PCAT7: variants seen among roughly 807,000 people sequenced by gnomAD.
The protein encoded by PCAT7 is prostate cancer associated transcript 7, also known as prostate cancer associated transcript 7 (non-protein coding).
intron 2 of PCAT7, among the ~76,000 whole-genome samples, chr9:94,572,128 T>G (rs553168059): frequency 3.9e-5 from 6 of 152,292 alleles, no homozygotes; most frequent in African/African-American, 1.4e-4. Flanking sequence ...TCTCTGACTC[T>G]GTGGATGCTC....
At chr9:94,571,334 G>T in intron 2 of PCAT7, 2 of 984,372 alleles carry the variant, frequency 2.0e-6, no homozygotes, top group Non-Finnish European at 2.8e-6. Flanking sequence ...CCCAAACTAG[G>T]CTCTCAGGAC....
exon 2 of PCAT7, chr9:94,559,057 G>A (rs1301155021): frequency 6.2e-7 from 1 of 1,614,094 alleles, no homozygotes; most frequent in Non-Finnish European, 8.5e-7. Context: ...AGTACAGGCT[G>A]GGTCCCCGTG....
At chr9:94,572,557 C>T (rs1043966252) in intron 2 of PCAT7, among the ~76,000 whole-genome samples, 4 of 152,148 alleles carry the variant, frequency 2.6e-5, no homozygotes, top group African/African-American at 9.7e-5. Flanking sequence ...TCTGAAGCTC[C>T]CAACACATTT....
At chr9:94,562,139 G>A (rs1056202107) in intron 2 of PCAT7, among the ~76,000 whole-genome samples, 4 of 151,610 alleles carry the variant, frequency 2.6e-5, no homozygotes, top group African/African-American at 4.8e-5. Context: ...GTGAAACCCC[G>A]TCTCTACTAA....
chr9:94,562,309 C>CAAAA (rs397893359), intron 2 of PCAT7, among the ~76,000 whole-genome samples: 28 of 72,064 alleles, frequency 3.9e-4, no homozygotes, highest in African/African-American at 6.3e-4. Flanking sequence ...GACTCCATCT[C>CAAAA]AAAAAAAAAA....
intron 1 of PCAT7, chr9:94,558,795 A>C: frequency 1.3e-6 from 1 of 744,608 alleles, no homozygotes; most frequent in South Asian, 1.7e-5. Context: ...ACCTGTCGTA[A>C]GCAGTTTGTT....
intron 2 of PCAT7, chr9:94,568,331 C>G (rs1035675245): frequency 2.0e-5 from 3 of 152,170 alleles, no homozygotes; most frequent in Non-Finnish European, 1.5e-5. Context: ...TGCCCAGTCC[C>G]TCTCCACAAC....
At chr9:94,565,635 G>T (rs1039430507) in intron 2 of PCAT7, among the ~76,000 whole-genome samples, 2 of 151,982 alleles carry the variant, frequency 1.3e-5, no homozygotes, top group Non-Finnish European at 2.9e-5. Context: ...TAGCCCAGAA[G>T]GACTTGACAT....
At chr9:94,564,293 G>A (rs1176796998) in intron 2 of PCAT7, among the ~76,000 whole-genome samples, 1 of 151,944 alleles carries the variant, frequency 6.6e-6, no homozygotes. Flanking sequence ...CTCCAACCAC[G>A]GCCATCTCAT....
At chr9:94,571,878 G>A (rs644237) in intron 2 of PCAT7, among the ~76,000 whole-genome samples, 73,907 of 151,926 alleles carry the variant, frequency 0.49, 18,601 homozygotes, top group East Asian at 0.61. Flanking sequence ...TGCTAAAACC[G>A]TAGCCCCTCT....
intron 1 of PCAT7, among the ~76,000 whole-genome samples, chr9:94,556,895 A>T (rs556555952): frequency 6.6e-6 from 1 of 152,166 alleles, no homozygotes; most frequent in Non-Finnish European, 1.5e-5. Context: ...ATTCTTGTAC[A>T]TGTGGGTGTT....
At chr9:94,568,656 C>T (rs10115132) in intron 2 of PCAT7, 33,736 of 152,098 alleles carry the variant, frequency 0.22, 6,714 homozygotes, top group African/African-American at 0.54. Flanking sequence ...CTCCACATAG[C>T]AGAGGTGTTG....
chr9:94,563,214 T>C, intron 2 of PCAT7: 1 of 1,066,018 alleles, frequency 9.4e-7, no homozygotes, highest in Non-Finnish European at 1.3e-6. Flanking sequence ...GAGTTCATTT[T>C]TCCTCCCCTG....
At chr9:94,560,279 C>G (rs1447116540) in intron 2 of PCAT7, among the ~76,000 whole-genome samples, 2 of 152,348 alleles carry the variant, frequency 1.3e-5, no homozygotes, top group African/African-American at 4.8e-5. Context: ...CCTTCTCTAA[C>G]CCTCCTGCAG....
In PCAT7 at chr9:94,558,924, T is replaced by C. The variant is rs751535157; in HGVS notation, n.258-45T>C. The C allele has an allele frequency of 2.5e-6, 4 of 1,613,436 alleles. No homozygotes were observed. The South Asian group carries it at 3.3e-5, about 13-fold the overall frequency. On this transcript the variant is annotated intron_variant and non_coding_transcript_variant, in intron 1 of 8. Coordinates refer to ENST00000647389, the Ensembl canonical transcript of PCAT7. ...TGCAAGACAAACAGAAGAGGGCATG[T>C]GGGGTCAAACTCGCTAGCTGCCTGC...
chr9:94,572,136 C>T (rs1449168705), intron 2 of PCAT7, among the ~76,000 whole-genome samples: 1 of 152,156 alleles, frequency 6.6e-6, no homozygotes, highest in Non-Finnish European at 1.5e-5. Context: ...TCTGTGGATG[C>T]TCCTTCTCAC....
At chr9:94,571,710 T>G in intron 2 of PCAT7, 1 of 1,032,120 alleles carries the variant, frequency 9.7e-7, no homozygotes, top group Non-Finnish European at 1.4e-6. Context: ...GAAGCGCGGT[T>G]CTTTGAATTT....
At chr9:94,556,456 G>C (rs1297573903) in intron 1 of PCAT7, among the ~76,000 whole-genome samples, 3 of 152,050 alleles carry the variant, frequency 2.0e-5, no homozygotes, top group Non-Finnish European at 4.4e-5. Flanking sequence ...GTGGTGAGAG[G>C]GAGAGGGCCA....
chr9:94,567,046 GA>G (rs1374889617), intron 2 of PCAT7, among the ~76,000 whole-genome samples: 1 of 152,090 alleles, frequency 6.6e-6, no homozygotes, highest in African/African-American at 2.4e-5. Flanking sequence ...ATTTATCCTG[GA>G]AAAACTCAAA....
Sources: allele counts gnomAD v4.1 joint callset (sites outside exome capture counted in the v4.1 genomes callset), GRCh38; gene constraint gnomAD v4.1.1; transcripts MANE v1.5; gene names NCBI Gene and HGNC (gene_info 2026-07-23, HGNC 2026-07-21).